The following CACNA1C variants were observed in gnomAD, a reference collection of about 807,000 sequenced individuals.
The protein encoded by CACNA1C is calcium voltage-gated channel subunit alpha1 C.
Under a neutral mutation model 229.0 loss-of-function variants are expected in CACNA1C, and 30 were observed. That is an observed-to-expected ratio of 0.13 (90% CI 0.10 to 0.18). The LOEUF (loss-of-function observed/expected upper bound fraction) is 0.18, where lower values mean the gene tolerates loss of function less well. CACNA1C is among the 10% of genes least tolerant of loss of function. The probability of loss-of-function intolerance (pLI) is 1.00; values close to 1 mark genes in which losing one functional copy is unlikely to be tolerated. For synonymous variants in CACNA1C, 1,114 were observed against 1,132.5 expected (o/e 0.98, Z 0.33); for missense variants, 1,658 against 2,845.0 (o/e 0.58, Z 9.49).
At chr12:2,643,400 T>C (rs1393917545) in intron 30 of CACNA1C, among the ~76,000 whole-genome samples, 2 of 152,184 alleles carry the variant, frequency 1.3e-5, no homozygotes, top group Non-Finnish European at 2.9e-5. Flanking sequence ...CAAACCAAAA[T>C]GGGAATTCTG....
Position 2,053,589 on chromosome 12 carries a change from C to T in CACNA1C, c.27C>T (p.Tyr9=), listed in dbSNP as rs2154502663. MVNENTRM[Y]IPEENHQGSN... Reference sequence around the variant, plus strand: ...TGGTCAATGAGAATACGAGGATGTACATTCCAGAGGAAAACCACCAAGGTA... The same window carrying T: ...TGGTCAATGAGAATACGAGGATGTATATTCCAGAGGAAAACCACCAAGGTA... The change falls in exon 1 of 47, where the codon TAC becomes TAT. Residue 9 remains tyrosine (Y), a synonymous_variant. Coordinates refer to ENST00000399655, the MANE Select transcript of CACNA1C (RefSeq NM_000719.7). The surrounding 1 kb of genome is among the most constrained non-coding windows in gnomAD (Gnocchi z 5.8). The T allele has an allele frequency of 6.2e-7, 1 of 1,600,468 alleles. No individual in the cohort carries two copies. The highest frequency in any genetic ancestry group is 8.5e-7 in the Non-Finnish European group (1 of 1,173,552).
chr12:2,606,006 T>C (rs1354806179), intron 24 of CACNA1C, among the ~76,000 whole-genome samples: 1 of 152,186 alleles, frequency 6.6e-6, no homozygotes, highest in Non-Finnish European at 1.5e-5. Context: ...CCCTCTCCAC[T>C]TCACCTGCCC....
chr12:2,203,617 G>T (rs781413763), intron 3 of CACNA1C, among the ~76,000 whole-genome samples: 2 of 152,140 alleles, frequency 1.3e-5, no homozygotes, highest in Non-Finnish European at 2.9e-5. Context: ...CCAGGGATCC[G>T]CATTCTTAGG....
chr12:2,330,452 T>G (rs550017430), intron 3 of CACNA1C, among the ~76,000 whole-genome samples: 124 of 152,370 alleles, frequency 8.1e-4, no homozygotes, highest in Middle Eastern at 3.4e-3. Flanking sequence ...TTTTAAGCAT[T>G]TAAGTGTTTT....
At chr12:2,558,152 C>T (rs1345049673) in intron 11 of CACNA1C, among the ~76,000 whole-genome samples, 1 of 152,206 alleles carries the variant, frequency 6.6e-6, no homozygotes, top group Non-Finnish European at 1.5e-5. Flanking sequence ...CTCCCAGCTC[C>T]TCTCTTGGAC....
At chr12:2,085,117 T>C (rs978587517) in intron 1 of CACNA1C, among the ~76,000 whole-genome samples, 1 of 152,194 alleles carries the variant, frequency 6.6e-6, no homozygotes, top group Non-Finnish European at 1.5e-5. Context: ...AATGTATCAG[T>C]GAGTCAATCC....
intron 3 of CACNA1C, among the ~76,000 whole-genome samples, chr12:2,398,596 GTCA>G (rs2098630000): frequency 6.6e-6 from 1 of 152,200 alleles, no homozygotes; most frequent in Non-Finnish European, 1.5e-5. Context: ...CCACAGAGTT[GTCA>G]TCATTGACTG....
chr12:2,422,514 T>C (rs1476724848), intron 3 of CACNA1C, among the ~76,000 whole-genome samples: 1 of 152,140 alleles, frequency 6.6e-6, no homozygotes, highest in Non-Finnish European at 1.5e-5. Context: ...CCTGGGTATA[T>C]CTTGGATGCC....
chr12:2,076,717 A>T (rs2063334437), intron 1 of CACNA1C, among the ~76,000 whole-genome samples: 1 of 152,192 alleles, frequency 6.6e-6, no homozygotes, highest in East Asian at 1.9e-4. Flanking sequence ...CTACACTTGT[A>T]TCGGAACCAT....
intron 1 of CACNA1C, among the ~76,000 whole-genome samples, chr12:2,031,993 TTGTG>T (rs60474439): frequency 0.16 from 24,175 of 150,982 alleles, 1,946 homozygotes; most frequent in Middle Eastern, 0.16. Flanking sequence ...GTGAGTGTGT[TTGTG>T]TGTGTGTGTG....
At chr12:2,561,490 A>G (rs1456170440) in intron 11 of CACNA1C, among the ~76,000 whole-genome samples, 1 of 152,246 alleles carries the variant, frequency 6.6e-6, no homozygotes, top group African/African-American at 2.4e-5. Context: ...TGTAACTAAA[A>G]TGAGTAATGC....
chr12:2,580,543 T>C (rs1165368745), intron 13 of CACNA1C, among the ~76,000 whole-genome samples: 1 of 152,220 alleles, frequency 6.6e-6, no homozygotes, highest in Non-Finnish European at 1.5e-5. Flanking sequence ...TTGCTCTTGC[T>C]CCCTCAGGGC....
chr12:1,973,095 C>T (rs1050526055), intron 1 of CACNA1C, among the ~76,000 whole-genome samples: 1 of 152,210 alleles, frequency 6.6e-6, no homozygotes, highest in South Asian at 2.1e-4. Flanking sequence ...CTTCCATTCA[C>T]CTTCTGCGTT....
intron 3 of CACNA1C, among the ~76,000 whole-genome samples, chr12:2,132,088 T>C (rs912416035): frequency 2.2e-5 from 3 of 137,674 alleles, no homozygotes; most frequent in Admixed American, 7.3e-5. Flanking sequence ...AGTTCACTTA[T>C]GATTTGGCTC....
intron 1 of CACNA1C, among the ~76,000 whole-genome samples, chr12:2,004,049 G>A (rs2042804070): frequency 6.6e-6 from 1 of 151,954 alleles, no homozygotes; most frequent in Non-Finnish European, 1.5e-5. Context: ...CCAGCGTTGG[G>A]TACGTTAGAG....
chr12:2,574,181 G>A (rs989897420), intron 13 of CACNA1C, among the ~76,000 whole-genome samples: 25 of 152,342 alleles, frequency 1.6e-4, no homozygotes, highest in African/African-American at 5.8e-4. Flanking sequence ...AAACAGTGGG[G>A]CACACGCATG....
At chr12:2,006,241 C>T (rs1478492015) in intron 1 of CACNA1C, among the ~76,000 whole-genome samples, 2 of 151,986 alleles carry the variant, frequency 1.3e-5, no homozygotes, top group Admixed American at 1.3e-4. Flanking sequence ...AACCCCGTCT[C>T]TACTAAAAAT....
At chr12:1,984,904 T>C (rs2037250692) in intron 1 of CACNA1C, among the ~76,000 whole-genome samples, 2 of 152,086 alleles carry the variant, frequency 1.3e-5, no homozygotes, top group African/African-American at 4.8e-5. Flanking sequence ...ATAGCTCTTT[T>C]ATTTCCAAAC....
At chr12:2,534,767 G>A (rs2099849241) in intron 9 of CACNA1C, among the ~76,000 whole-genome samples, 1 of 152,224 alleles carries the variant, frequency 6.6e-6, no homozygotes, top group Non-Finnish European at 1.5e-5. Flanking sequence ...ACTACTCTGG[G>A]CAGGTGCTGT....
Sources: allele counts gnomAD v4.1 joint callset (sites outside exome capture counted in the v4.1 genomes callset), GRCh38; gene constraint gnomAD v4.1.1; non-coding constraint Gnocchi (gnomAD v3.1); transcripts MANE v1.5; gene names NCBI Gene and HGNC (gene_info 2026-07-23, HGNC 2026-07-21).